DDX4: variants seen among roughly 807,000 people sequenced by gnomAD.
DDX4 encodes the protein probable ATP-dependent RNA helicase DDX4.
A neutral mutation model predicts 100.0 loss-of-function variants in DDX4; 25 were observed. That is an observed-to-expected ratio of 0.25 (90% CI 0.18 to 0.35). The LOEUF (loss-of-function observed/expected upper bound fraction) is 0.35, where lower values mean the gene tolerates loss of function less well. Among genes scored for constraint, DDX4 ranks in the 10% least tolerant of loss-of-function variants. The pLI, the probability that DDX4 is intolerant of heterozygous loss-of-function variation, is 1.00. For missense variants in DDX4, 635 were observed against 882.4 expected (o/e 0.72, Z 3.55); for synonymous variants, 259 against 275.7 (o/e 0.94, Z 0.60).
chr5:55,755,010 C>T (rs191362988), intron 3 of DDX4, among the ~76,000 whole-genome samples: 2 of 152,138 alleles, frequency 1.3e-5, no homozygotes, highest in East Asian at 1.9e-4. Context: ...TTAAATGTAC[C>T]GTTGAATCCC....
chr5:55,753,142 C>G (rs899092690), intron 3 of DDX4, among the ~76,000 whole-genome samples: 16 of 152,044 alleles, frequency 1.1e-4, no homozygotes, highest in African/African-American at 3.4e-4. Context: ...GTTGCCTGTT[C>G]ACTCTGATGG....
At chr5:55,775,283 C>G (rs1238594585) in intron 7 of DDX4, among the ~76,000 whole-genome samples, 2 of 152,158 alleles carry the variant, frequency 1.3e-5, no homozygotes, top group East Asian at 1.9e-4. Context: ...TTTCTTCTTT[C>G]CGACTATTGT....
At chr5:55,814,191 A>AAT (rs1225306469) in intron 19 of DDX4, among the ~76,000 whole-genome samples, 1 of 152,234 alleles carries the variant, frequency 6.6e-6, no homozygotes, top group East Asian at 1.9e-4. Context: ...TAGATCCTAA[A>AAT]ATATCACGTA....
intron 5 of DDX4, 29 bp downstream of exon 5, chr5:55,763,281 T>C: frequency 7.2e-7 from 1 of 1,384,786 alleles, no homozygotes; most frequent in Non-Finnish European, 1.0e-6. Flanking sequence ...TATCTTACAA[T>C]CAAAACTTGA....
At chr5:55,761,689 C>A (rs544740550) in intron 4 of DDX4, among the ~76,000 whole-genome samples, 5 of 151,934 alleles carry the variant, frequency 3.3e-5, no homozygotes, top group Non-Finnish European at 7.4e-5. Context: ...CTTACTGCAA[C>A]CTTCACCTCC....
chr5:55,801,949 A>G (rs1455871816), intron 18 of DDX4, among the ~76,000 whole-genome samples: 2 of 152,212 alleles, frequency 1.3e-5, no homozygotes, highest in Non-Finnish European at 2.9e-5. Context: ...CTGTCCTGTC[A>G]GGAAGTGTAT....
chr5:55,767,183 T>C (rs572461951), intron 6 of DDX4, among the ~76,000 whole-genome samples: 1 of 152,336 alleles, frequency 6.6e-6, no homozygotes, highest in South Asian at 2.1e-4. Flanking sequence ...CTCACGCCTG[T>C]AATCCCAGCA....
At chr5:55,802,770 A>G (rs549143653) in intron 18 of DDX4, among the ~76,000 whole-genome samples, 2 of 152,342 alleles carry the variant, frequency 1.3e-5, no homozygotes, top group South Asian at 4.1e-4. Context: ...AGATTTAATG[A>G]TCATGGTAAA....
chr5:55,753,149 A>G (rs1301425063), intron 3 of DDX4, among the ~76,000 whole-genome samples: 1 of 151,934 alleles, frequency 6.6e-6, no homozygotes, highest in East Asian at 1.9e-4. Flanking sequence ...GTTCACTCTG[A>G]TGGTAGTTTC....
chr5:55,787,199 A>G (rs140588103), intron 14 of DDX4, among the ~76,000 whole-genome samples: 34 of 152,360 alleles, frequency 2.2e-4, no homozygotes, highest in African/African-American at 7.0e-4. Flanking sequence ...CTATGATCAT[A>G]GAGTCCATGA....
intron 6 of DDX4, among the ~76,000 whole-genome samples, chr5:55,765,904 A>G (rs910365955): frequency 1.3e-5 from 2 of 151,996 alleles, no homozygotes; most frequent in African/African-American, 4.8e-5. Context: ...TCCAGGGTTC[A>G]AGTGATTCTC....
chr5:55,792,529 T>G (rs984889339), intron 16 of DDX4, 112 bp from the exon 17 acceptor site: 2 of 557,356 alleles, frequency 3.6e-6, no homozygotes, highest in East Asian at 4.0e-5. Context: ...CTGGCTAATT[T>G]TTTGTATTTT....
At chr5:55,779,463 A>G (rs1417074918) in intron 7 of DDX4, among the ~76,000 whole-genome samples, 1 of 152,150 alleles carries the variant, frequency 6.6e-6, no homozygotes, top group Non-Finnish European at 1.5e-5. Context: ...AGTCTGCTCT[A>G]TGTGCAATTA....
chr5:55,799,884 A>G (rs1580594744), intron 18 of DDX4, among the ~76,000 whole-genome samples: 1 of 152,166 alleles, frequency 6.6e-6, no homozygotes, highest in East Asian at 1.9e-4. Context: ...AGAAATGCGA[A>G]GGTGGTTCAT....
chr5:55,808,814 G>T (rs1235865173), intron 18 of DDX4, among the ~76,000 whole-genome samples: 15 of 152,200 alleles, frequency 9.9e-5, no homozygotes, highest in Non-Finnish European at 2.1e-4. Context: ...CTGGCTGCGT[G>T]CTGGGAGAAC....
At chr5:55,813,618 A>G (rs973358575) in intron 18 of DDX4, 55 bp from the exon 19 acceptor site, 12 of 1,492,256 alleles carry the variant, frequency 8.0e-6, no homozygotes, top group South Asian at 7.4e-5. Flanking sequence ...TCCCTGCTTT[A>G]TTTTTCATTT....
rs151124364 is a variant in DDX4 at position 55,755,851 on chromosome 5, A to G, written c.128-4349A>G. Among the ~76,000 whole-genome samples the G allele has an allele frequency of 2.3e-3, 347 of 152,276 alleles. 1 individual carries two copies. Among genetic ancestry groups the G allele is most frequent in the African/African-American group, 6.4e-3 (266 of 41,568 alleles). On this transcript the variant is annotated intron_variant, in intron 3 of 21. Transcript: ENST00000505374. ...TCCCTGAAAGCCAGCACTCAGATCA[A>G]GAAAAACAGCATTATTAACAGCACC...
intron 3 of DDX4, among the ~76,000 whole-genome samples, chr5:55,757,624 A>G (rs942181969): frequency 1.3e-5 from 2 of 152,196 alleles, no homozygotes; most frequent in African/African-American, 4.8e-5. Flanking sequence ...AGGATTCCCA[A>G]GAATAATTGT....
At position 55,798,619 on chromosome 5, in the gene DDX4, AT is replaced by A. The variant is rs746159279; in HGVS notation, c.1615+49del. 43 of 1,515,422 alleles carry A rather than the reference AT, an allele frequency of 2.8e-5. No individual in the cohort carries two copies. In the African/African-American group the frequency reaches 5.5e-4, roughly 19 times the overall value. 93.9% of individuals were successfully genotyped at this position (1,515,422 alleles called of 1,614,324 possible). A position where few individuals can be genotyped will look rare whatever the true frequency, so the allele number is the denominator to read the frequency against. ...TTTGTCATGATTTTGATTTTTTTTA[AT>A]GAATAATTTAAAAAATCACTAAAGA... On this transcript the variant is annotated intron_variant, in intron 18 of 21. Coordinates refer to ENST00000505374, the MANE Select transcript of DDX4 (RefSeq NM_024415.3).
Sources: gnomAD v4.1 joint callset for allele counts (sites outside exome capture counted in the v4.1 genomes callset) on GRCh38, gnomAD v4.1.1 for gene constraint, MANE v1.5 for transcripts, NCBI Gene and HGNC (gene_info 2026-07-23, HGNC 2026-07-21) for gene names.